The following CTNNA3 variants were observed in gnomAD, a reference collection of about 807,000 sequenced individuals.
The protein encoded by CTNNA3 is catenin alpha 3.
In CTNNA3, 76 loss-of-function variants were observed where a neutral mutation model predicts 95.7. The ratio of observed to expected loss-of-function variants is 0.79; its 90% CI spans 0.66 to 0.96. CTNNA3 has a LOEUF of 0.96. Ranked by LOEUF, CTNNA3 falls within the 40% of genes least tolerant of loss-of-function variation. The pLI is 0.00. For synonymous variants in CTNNA3, 431 were observed against 374.4 expected, an observed-to-expected ratio of 1.15 and a Z score of -1.74; for missense variants, 1,191 against 1,089.8, an observed-to-expected ratio of 1.09 and a Z score of -1.31.
At position 65,943,168 on chromosome 10, in the gene CTNNA3, A is replaced by G. The variant is rs938897098; in HGVS notation, c.2401-22551T>C. 2.3e-4 allele frequency among the ~76,000 whole-genome samples: 34 copies of G among 150,246 alleles called. 1 individual carries two copies. Among genetic ancestry groups the G allele is most frequent in the African/African-American group, 7.8e-4 (32 of 40,828 alleles). Reference sequence around the variant, plus strand: ...AAGCTCCGCCTCCTGGGCTCACGCCATCCTTCTGCCTCAGCTTCCCAAGTA... The same window carrying G: ...AAGCTCCGCCTCCTGGGCTCACGCCGTCCTTCTGCCTCAGCTTCCCAAGTA... On this transcript the variant is annotated intron_variant, in intron 17 of 17. Transcript: ENST00000433211.
At chr10:66,319,539 C>G (rs917962173) in intron 12 of CTNNA3, among the ~76,000 whole-genome samples, 9 of 152,088 alleles carry the variant, frequency 5.9e-5, no homozygotes, top group African/African-American at 2.2e-4. Context: ...TTGCCTTTTG[C>G]TTTTCTAGAA....
chr10:66,439,735 G>T (rs1365582709), intron 11 of CTNNA3, among the ~76,000 whole-genome samples: 1 of 151,916 alleles, frequency 6.6e-6, no homozygotes, highest in African/African-American at 2.4e-5. Flanking sequence ...TCACAAAATA[G>T]ATTCATTTTT....
intron 7 of CTNNA3, among the ~76,000 whole-genome samples, chr10:66,960,866 G>T (rs1325469629): frequency 6.6e-6 from 1 of 152,150 alleles, no homozygotes; most frequent in African/African-American, 2.4e-5. Context: ...ATAGGAGAAG[G>T]AAAGGATCTG....
At chr10:67,060,250 A>G (rs927539164) in intron 7 of CTNNA3, among the ~76,000 whole-genome samples, 1 of 152,140 alleles carries the variant, frequency 6.6e-6, no homozygotes, top group Admixed American at 6.5e-5. Context: ...CCTGGGAGGT[A>G]GAGGCTGCAG....
In CTNNA3 at chr10:66,843,484, G is replaced by A. The variant is rs367578112; in HGVS notation, c.1048-67960C>T. Among the ~76,000 whole-genome samples the A allele has an allele frequency of 2.0e-4, 30 of 152,300 alleles. 1 individual carries two copies. The South Asian group carries it at 6.2e-3, about 32-fold the overall frequency. The stretch of plus-strand genomic sequence containing the variant: ...TTTGTGAATCATCACTCAAACAGAT[G>A]ATGAGATTAAGCTATGAAATGGATT... On this transcript the variant is annotated intron_variant, in intron 7 of 17. Coordinates refer to ENST00000433211, the MANE Select transcript of CTNNA3 (RefSeq NM_013266.4).
intron 13 of CTNNA3, among the ~76,000 whole-genome samples, chr10:66,216,987 T>C (rs1437393410): frequency 6.6e-6 from 1 of 152,164 alleles, no homozygotes; most frequent in African/African-American, 2.4e-5. Flanking sequence ...TACACTCTCC[T>C]CCAACCATTT....
At chr10:67,542,163 G>A (rs1190079770) in intron 3 of CTNNA3, among the ~76,000 whole-genome samples, 3 of 151,984 alleles carry the variant, frequency 2.0e-5, no homozygotes, top group African/African-American at 7.2e-5. Context: ...TCTTATTGCT[G>A]GACTTATCCC....
At chr10:67,454,568 G>A (rs987017070) in intron 5 of CTNNA3, among the ~76,000 whole-genome samples, 21 of 152,212 alleles carry the variant, frequency 1.4e-4, no homozygotes, top group African/African-American at 4.8e-4. Flanking sequence ...GAAAATGCTG[G>A]CCTCGCATCA....
intron 15 of CTNNA3, among the ~76,000 whole-genome samples, chr10:66,013,066 A>G (rs1366125471): frequency 6.6e-6 from 1 of 152,124 alleles, no homozygotes; most frequent in African/African-American, 2.4e-5. Flanking sequence ...ACACCTGGCT[A>G]ATTTTTGTAT....
At chr10:66,314,143 A>G (rs947820651) in intron 12 of CTNNA3, among the ~76,000 whole-genome samples, 5 of 152,130 alleles carry the variant, frequency 3.3e-5, no homozygotes, top group African/African-American at 1.2e-4. Context: ...CTGTTTCATC[A>G]TAGCTCACAT....
intron 7 of CTNNA3, among the ~76,000 whole-genome samples, chr10:66,789,246 G>A (rs895653901): frequency 4.6e-5 from 7 of 151,728 alleles, no homozygotes; most frequent in African/African-American, 1.7e-4. Flanking sequence ...GTGCGATCTC[G>A]GCTCACTGCA....
At chr10:66,656,504 T>C (rs1283138316) in intron 9 of CTNNA3, among the ~76,000 whole-genome samples, 1 of 152,076 alleles carries the variant, frequency 6.6e-6, no homozygotes, top group Admixed American at 6.5e-5. Flanking sequence ...CAGAAAGGGA[T>C]GTTAGGAAGG....
chr10:67,726,047 AATT>A (rs1365860012), intron 1 of CTNNA3, among the ~76,000 whole-genome samples: 3 of 129,524 alleles, frequency 2.3e-5, no homozygotes, highest in African/African-American at 5.8e-5. Flanking sequence ...TATTATATAC[AATT>A]ATTAATATAA....
chr10:66,012,511 CA>C (rs1384641253), intron 15 of CTNNA3, among the ~76,000 whole-genome samples: 1 of 152,100 alleles, frequency 6.6e-6, no homozygotes, highest in Non-Finnish European at 1.5e-5. Flanking sequence ...ATAAACCATA[CA>C]TAATTATATT....
intron 5 of CTNNA3, among the ~76,000 whole-genome samples, chr10:67,352,652 T>C (rs773729658): frequency 9.9e-5 from 15 of 152,010 alleles, no homozygotes; most frequent in Non-Finnish European, 1.9e-4. Flanking sequence ...ATCTAACACA[T>C]AATTCCAATT....
chr10:66,367,534 C>A (rs1375602586), intron 12 of CTNNA3, among the ~76,000 whole-genome samples: 3 of 149,408 alleles, frequency 2.0e-5, no homozygotes, highest in Non-Finnish European at 1.5e-5. Flanking sequence ...ATGTACATAT[C>A]TTTAATATAT....
At chr10:66,070,581 T>C (rs961007808) in intron 14 of CTNNA3, among the ~76,000 whole-genome samples, 3 of 152,170 alleles carry the variant, frequency 2.0e-5, no homozygotes, top group South Asian at 4.1e-4. Flanking sequence ...TACACTGGTA[T>C]ATTATGGAAA....
At chr10:66,285,801 ATAG>A (rs747650214) in intron 12 of CTNNA3, among the ~76,000 whole-genome samples, 1 of 152,048 alleles carries the variant, frequency 6.6e-6, no homozygotes, top group South Asian at 2.1e-4. Context: ...GAGAGAATTA[ATAG>A]TAGAAAGTGG....
At chr10:67,159,091 TC>T (rs1161327976) in intron 7 of CTNNA3, among the ~76,000 whole-genome samples, 1 of 152,176 alleles carries the variant, frequency 6.6e-6, no homozygotes, top group Non-Finnish European at 1.5e-5. Flanking sequence ...AACTTAAAAA[TC>T]GATGTTATTC....
Sources: allele counts gnomAD v4.1 joint callset (sites outside exome capture counted in the v4.1 genomes callset), GRCh38; gene constraint gnomAD v4.1.1; transcripts MANE v1.5; gene names NCBI Gene and HGNC (gene_info 2026-07-23, HGNC 2026-07-21).